The following HPSE2 variants were observed in gnomAD, a reference collection of about 807,000 sequenced individuals.
HPSE2 encodes the protein heparanase 2 (inactive), also known as inactive heparanase-2.
HPSE2 carries 38 observed loss-of-function variants against 60.5 expected under a neutral mutation model. The observed-to-expected ratio is 0.63, with a 90% CI of 0.48 to 0.82. The LOEUF (loss-of-function observed/expected upper bound fraction) is 0.82, where lower values mean the gene tolerates loss of function less well. Ranked by LOEUF, HPSE2 falls within the 40% of genes least tolerant of loss-of-function variation. The pLI is 0.00. For missense variants in HPSE2, 713 were observed against 740.4 expected (o/e 0.96, Z 0.43); for synonymous variants, 295 against 293.2 (o/e 1.01, Z -0.06).
At chr10:98,925,598 C>T (rs968076117) in intron 3 of HPSE2, among the ~76,000 whole-genome samples, 4 of 152,062 alleles carry the variant, frequency 2.6e-5, no homozygotes, top group Non-Finnish European at 5.9e-5. Flanking sequence ...AGTGCAGGCT[C>T]TCTACTTGGA....
chr10:98,548,113 T>G (rs1055436516), intron 9 of HPSE2, among the ~76,000 whole-genome samples: 2 of 152,180 alleles, frequency 1.3e-5, no homozygotes, highest in Non-Finnish European at 2.9e-5. Context: ...CATAAATAAC[T>G]ATAACATAAT....
At chr10:99,080,483 T>C (rs971160945) in intron 3 of HPSE2, among the ~76,000 whole-genome samples, 2 of 152,212 alleles carry the variant, frequency 1.3e-5, no homozygotes, top group African/African-American at 4.8e-5. Context: ...CTGGAATGCC[T>C]CGAACCTTGT....
intron 8 of HPSE2, among the ~76,000 whole-genome samples, chr10:98,618,667 C>T (rs534202061): frequency 6.6e-6 from 1 of 152,288 alleles, no homozygotes; most frequent in African/African-American, 2.4e-5. Context: ...ACCTCTGCTA[C>T]CCAGATTCAA....
intron 3 of HPSE2, among the ~76,000 whole-genome samples, chr10:98,932,544 G>T (rs1368408130): frequency 2.1e-5 from 3 of 143,240 alleles, no homozygotes; most frequent in Non-Finnish European, 4.5e-5. Flanking sequence ...AGAAGAAATG[G>T]TACCAGCTCC....
intron 4 of HPSE2, among the ~76,000 whole-genome samples, chr10:98,724,344 T>A (rs1949011845): frequency 6.6e-6 from 1 of 152,200 alleles, no homozygotes; most frequent in Admixed American, 6.6e-5. Context: ...TTGTTATAAT[T>A]TCTGTTCTTT....
chr10:98,631,665 CTCCAAATG>C (rs1276996217), intron 7 of HPSE2, among the ~76,000 whole-genome samples: 1 of 152,150 alleles, frequency 6.6e-6, no homozygotes, highest in African/African-American at 2.4e-5. Context: ...AGGGCCATTC[CTCCAAATG>C]TCCATGGGTA....
In HPSE2 at chr10:98,458,036, C is replaced by G. The variant is rs1940122051; in HGVS notation, c.*1538G>C. 6.6e-6 allele frequency: 1 copy of G among 152,384 alleles called. No homozygotes were observed. Among genetic ancestry groups the G allele is most frequent in the Non-Finnish European group, 1.5e-5 (1 of 68,132 alleles). The allele number at this position is 152,384 out of a possible 1,614,324, so 9.4% of individuals were successfully genotyped here. On this transcript the variant is annotated 3_prime_UTR_variant, in exon 12 of 12. Coordinates refer to ENST00000370552, the MANE Select transcript of HPSE2 (RefSeq NM_021828.5). ...TCTCCCAAATCCACCGTTCTCCAAG[C>G]TCAGAATTCTCTCCCTCCTCTTTGG... is the stretch of plus-strand genomic sequence containing the variant.
intron 2 of HPSE2, among the ~76,000 whole-genome samples, chr10:99,209,411 T>C (rs1358046278): frequency 1.3e-5 from 2 of 151,986 alleles, no homozygotes; most frequent in African/African-American, 4.8e-5. Flanking sequence ...ATGGAGAAAT[T>C]AAAAGGCAAA....
At chr10:98,745,090 T>A (rs183175120) in intron 3 of HPSE2, among the ~76,000 whole-genome samples, 1 of 152,100 alleles carries the variant, frequency 6.6e-6, no homozygotes, top group Non-Finnish European at 1.5e-5. Flanking sequence ...TAGTCCCAGC[T>A]ACTCAGGAGG....
chr10:98,587,459 C>A (rs373263972), intron 9 of HPSE2, among the ~76,000 whole-genome samples: 36 of 152,316 alleles, frequency 2.4e-4, no homozygotes, highest in African/African-American at 7.2e-4. Context: ...AAAAGAGCAA[C>A]TGATACATGT....
At chr10:98,689,627 T>A (rs1948021582) in intron 6 of HPSE2, among the ~76,000 whole-genome samples, 1 of 152,208 alleles carries the variant, frequency 6.6e-6, no homozygotes, top group African/African-American at 2.4e-5. Context: ...TTCATCATGG[T>A]CATATTTTCC....
intron 3 of HPSE2, among the ~76,000 whole-genome samples, chr10:98,880,152 T>C (rs1001359130): frequency 2.0e-5 from 3 of 152,056 alleles, no homozygotes; most frequent in African/African-American, 4.8e-5. Flanking sequence ...GGATTTCAAA[T>C]AGAAACATTT....
Position 99,052,369 on chromosome 10 carries a change from C to T in HPSE2, c.610+91869G>A, listed in dbSNP as rs528475761. Among the ~76,000 whole-genome samples the T allele has an allele frequency of 2.4e-4, 35 of 148,828 alleles. 1 individual carries two copies. Among genetic ancestry groups the T allele is most frequent in the Non-Finnish European group, 4.9e-4 (33 of 66,688 alleles). ...TTTGAAAACAGAACAATAGAACAAC[C>T]TTAAAGACCACAGAGAAAAAAAGAC... On this transcript the variant is annotated intron_variant, in intron 3 of 11. Transcript: ENST00000370552.
At chr10:99,003,365 T>A (rs1012767426) in intron 3 of HPSE2, among the ~76,000 whole-genome samples, 1 of 152,100 alleles carries the variant, frequency 6.6e-6, no homozygotes, top group Non-Finnish European at 1.5e-5. Context: ...TGAATACCCA[T>A]TAATGAGACT....
At chr10:99,171,350 C>T (rs1847299616) in intron 2 of HPSE2, among the ~76,000 whole-genome samples, 1 of 151,898 alleles carries the variant, frequency 6.6e-6, no homozygotes, top group Non-Finnish European at 1.5e-5. Flanking sequence ...GCAGTTATTC[C>T]GAATTTAGGA....
intron 4 of HPSE2, among the ~76,000 whole-genome samples, chr10:98,724,355 G>T (rs538883299): frequency 2.6e-5 from 4 of 152,034 alleles, no homozygotes; most frequent in East Asian, 3.9e-4. Flanking sequence ...TCTGTTCTTT[G>T]ACATTTGCTG....
At chr10:98,908,044 G>C (rs920992400) in intron 3 of HPSE2, among the ~76,000 whole-genome samples, 1 of 152,180 alleles carries the variant, frequency 6.6e-6, no homozygotes, top group Non-Finnish European at 1.5e-5. Context: ...AGATACCAAA[G>C]TGAAAGCATA....
chr10:98,883,301 G>A (rs1953077498), intron 3 of HPSE2, among the ~76,000 whole-genome samples: 1 of 152,078 alleles, frequency 6.6e-6, no homozygotes, highest in African/African-American at 2.4e-5. Context: ...GTGTTATAAA[G>A]AAGATTCCAA....
chr10:99,255,348 T>C, the HPSE2 span, among the ~76,000 whole-genome samples: 2 of 152,160 alleles, frequency 1.3e-5, no homozygotes, highest in African/African-American at 2.4e-5. Flanking sequence ...GGAGAGGAGA[T>C]ACCTGTCCCC....
Sources: allele counts gnomAD v4.1 joint callset (sites outside exome capture counted in the v4.1 genomes callset), GRCh38; gene constraint gnomAD v4.1.1; transcripts MANE v1.5; gene names NCBI Gene and HGNC (gene_info 2026-07-23, HGNC 2026-07-21).